The following MYO3A variants were observed in gnomAD, a reference collection of about 807,000 sequenced individuals.
MYO3A encodes the protein myosin IIIA.
In MYO3A, 180 loss-of-function variants were observed where a neutral mutation model predicts 192.7. The observed-to-expected ratio is 0.93, with a 90% CI of 0.83 to 1.06. MYO3A has a LOEUF of 1.06. MYO3A is among the 50% of genes least tolerant of loss of function. The probability of loss-of-function intolerance (pLI) is 0.00; values close to 1 mark genes in which losing one functional copy is unlikely to be tolerated. For missense variants in MYO3A, 1,896 were observed against 1,905.0 expected (o/e 1.00, Z 0.09); for synonymous variants, 628 against 645.3 (o/e 0.97, Z 0.41).
At chr10:25,962,471 C>A (rs7914207) in intron 4 of MYO3A, among the ~76,000 whole-genome samples, 29 of 151,940 alleles carry the variant, frequency 1.9e-4, no homozygotes, top group Non-Finnish European at 3.8e-4. Context: ...AGAACATCTA[C>A]GGGGAGTTTT....
chr10:26,096,309 A>C (rs1837027507), intron 15 of MYO3A, 72 bp from the exon 16 acceptor site: 1 of 1,153,158 alleles, frequency 8.7e-7, no homozygotes. Context: ...TGTTCAAATA[A>C]TTATATTGTC....
chr10:26,190,730 G>GGAC (rs1398507003), intron 31 of MYO3A, among the ~76,000 whole-genome samples: 3 of 152,052 alleles, frequency 2.0e-5, no homozygotes, highest in African/African-American at 7.2e-5. Flanking sequence ...GAGACAACAG[G>GGAC]GACAGATAAA....
chr10:25,994,145 T>C (rs1274119335), intron 4 of MYO3A, among the ~76,000 whole-genome samples: 6 of 152,138 alleles, frequency 3.9e-5, no homozygotes, highest in African/African-American at 1.4e-4. Flanking sequence ...TGTGTGGGAG[T>C]CTAAGTCTCT....
intron 30 of MYO3A, among the ~76,000 whole-genome samples, chr10:26,175,745 G>A (rs571799410): frequency 6.6e-6 from 1 of 152,274 alleles, no homozygotes; most frequent in East Asian, 1.9e-4. Flanking sequence ...CCAAATCAGG[G>A]ATTAGAACTC....
chr10:26,181,762 G>A (rs1181124294), intron 31 of MYO3A, among the ~76,000 whole-genome samples: 1 of 146,752 alleles, frequency 6.8e-6, no homozygotes, highest in African/African-American at 2.5e-5. Context: ...AAGTGACTTG[G>A]CAATATGTCC....
Position 26,147,390 on chromosome 10 carries a change from T to A in MYO3A, c.2506-40T>A, listed in dbSNP as rs770998386. The A allele has an allele frequency of 5.7e-6, 9 of 1,574,336 alleles. No individual in the cohort carries two copies. The South Asian group carries it at 1.0e-4, about 17-fold the overall frequency. On this transcript the variant is annotated intron_variant, in intron 22 of 34. Transcript: ENST00000642920. ...ATGGTGAGGAGGAGGAGGATGACAATGACATTGATTGTGATAATTATAGCA... is the reference window on the plus strand; with the variant it reads ...ATGGTGAGGAGGAGGAGGATGACAAAGACATTGATTGTGATAATTATAGCA...
At chr10:25,954,118 T>TCAGGGCTGA (rs1837386131) in intron 3 of MYO3A, among the ~76,000 whole-genome samples, 1 of 152,122 alleles carries the variant, frequency 6.6e-6, no homozygotes, top group Non-Finnish European at 1.5e-5. Flanking sequence ...CTTAACTTTA[T>TCAGGGCTGA]GCCTTTAAAA....
At position 26,162,285 on chromosome 10, in the gene MYO3A, T is replaced by G. The variant is rs191050272; in HGVS notation, c.3000-3782T>G. On this transcript the variant is annotated intron_variant, in intron 26 of 34. Transcript: ENST00000642920. ...GGATGGTTTAGATTGTATGAGAAAT[T>G]CTGATAAAGCAGAGAATAATAAAAG... Among the ~76,000 whole-genome samples, 114 of 152,326 alleles carry G rather than the reference T, an allele frequency of 7.5e-4. 1 individual carries two copies. Among genetic ancestry groups the G allele is most frequent in the Middle Eastern group, 3.4e-3 (1 of 294 alleles).
chr10:26,180,126 CG>C (rs1292297434), intron 31 of MYO3A, among the ~76,000 whole-genome samples: 1 of 152,136 alleles, frequency 6.6e-6, no homozygotes, highest in Non-Finnish European at 1.5e-5. Context: ...TGAGCCACCG[CG>C]CCTGGCCTCA....
intron 11 of MYO3A, among the ~76,000 whole-genome samples, chr10:26,067,320 T>A (rs2131373738): frequency 6.6e-6 from 1 of 152,348 alleles, no homozygotes; most frequent in South Asian, 2.1e-4. Flanking sequence ...TCCAGCCTAG[T>A]GTTCATTTTT....
At chr10:26,028,801 C>G (rs527333082) in intron 10 of MYO3A, among the ~76,000 whole-genome samples, 23 of 152,242 alleles carry the variant, frequency 1.5e-4, no homozygotes, top group South Asian at 4.1e-4. Context: ...GTTCTCCTTG[C>G]CCCCTAGAGT....
At chr10:26,140,082 G>A (rs1268103392) in intron 20 of MYO3A, among the ~76,000 whole-genome samples, 1 of 152,298 alleles carries the variant, frequency 6.6e-6, no homozygotes, top group South Asian at 2.1e-4. Context: ...ATGAAGGAAG[G>A]TCTCTCTGAG....
At chr10:26,159,471 G>A (rs1841368162) in intron 26 of MYO3A, among the ~76,000 whole-genome samples, 1 of 147,808 alleles carries the variant, frequency 6.8e-6, no homozygotes, top group South Asian at 2.1e-4. Context: ...TGCATTCTGT[G>A]CAAACTCACG....
At chr10:26,203,230 G>T in intron 34 of MYO3A, 123 bp downstream of exon 34, 2 of 1,087,780 alleles carry the variant, frequency 1.8e-6, no homozygotes, top group South Asian at 1.4e-5. Context: ...TGCATCTTTG[G>T]AGTGATATGG....
At chr10:26,012,447 C>T (rs1224706322) in intron 6 of MYO3A, among the ~76,000 whole-genome samples, 1 of 152,030 alleles carries the variant, frequency 6.6e-6, no homozygotes, top group African/African-American at 2.4e-5. Flanking sequence ...TACCCCAAAA[C>T]GACCAAGCTG....
intron 14 of MYO3A, among the ~76,000 whole-genome samples, chr10:26,072,871 AC>A (rs1203908501): frequency 6.6e-6 from 1 of 152,184 alleles, no homozygotes; most frequent in Non-Finnish European, 1.5e-5. Flanking sequence ...GTGCTTATTC[AC>A]ACGAAATGAA....
chr10:26,154,247 T>C lies in MYO3A; in HGVS notation c.2715+318T>C, dbSNP rs530857586. 6.6e-5 allele frequency among the ~76,000 whole-genome samples: 10 copies of C among 152,292 alleles called. No homozygotes were observed. In the East Asian group the frequency reaches 1.9e-3, roughly 29 times the overall value. ...CCCAGGCTGGAGTGCAGTGGCATGATCTCAGCTCACTGCAACCTCTGCCTC... is the reference window on the plus strand; with the variant it reads ...CCCAGGCTGGAGTGCAGTGGCATGACCTCAGCTCACTGCAACCTCTGCCTC... On this transcript the variant is annotated intron_variant, in intron 24 of 34. Transcript: ENST00000642920.
chr10:26,013,554 C>A (rs1450537035), intron 6 of MYO3A, among the ~76,000 whole-genome samples: 1 of 151,996 alleles, frequency 6.6e-6, no homozygotes, highest in Non-Finnish European at 1.5e-5. Flanking sequence ...CAAATTAAAA[C>A]CACAATGAGA....
chr10:25,960,118 TG>T (rs1368448722), intron 4 of MYO3A, among the ~76,000 whole-genome samples: 1 of 152,158 alleles, frequency 6.6e-6, no homozygotes, highest in Non-Finnish European at 1.5e-5. Context: ...TGAATTTTTT[TG>T]CTCAGTGTTC....
Sources: gnomAD v4.1 joint callset for allele counts (sites outside exome capture counted in the v4.1 genomes callset) on GRCh38, gnomAD v4.1.1 for gene constraint, MANE v1.5 for transcripts, NCBI Gene and HGNC (gene_info 2026-07-23, HGNC 2026-07-21) for gene names.